Variants in NISCH observed in about 807,000 individuals in gnomAD.
NISCH encodes nischarin.
NISCH carries 55 observed loss-of-function variants against 138.4 expected under a neutral mutation model. The ratio of observed to expected loss-of-function variants is 0.40; its 90% CI spans 0.32 to 0.50. The LOEUF (loss-of-function observed/expected upper bound fraction) is 0.50, where lower values mean the gene tolerates loss of function less well. Among genes scored for constraint, NISCH ranks in the 20% least tolerant of loss-of-function variants. NISCH has a pLI of 0.71. For synonymous variants in NISCH, 860 were observed against 861.5 expected (o/e 1.00, Z 0.03); for missense variants, 1,643 against 2,005.5 (o/e 0.82, Z 3.45).
In NISCH at chr3:52,487,451, C is replaced by T. The variant is rs779391178; in HGVS notation, c.1959C>T (p.Arg653=). ...EEEEEDVAEN[R]YFEMGPPDVE... ...AAGAGGAGGACGTGGCTGAGAACCG[C>T]TACTTTGAAATGGGGCCCCCAGACG... is the stretch of plus-strand genomic sequence containing the variant. Residue 653 remains arginine, a synonymous_variant, in exon 16 of 21, where the codon CGC becomes CGT. Coordinates refer to ENST00000345716, the MANE Select transcript of NISCH (RefSeq NM_007184.4). The surrounding 1 kb of genome is among the most constrained non-coding windows in gnomAD (Gnocchi z 9.1). 12 of 1,605,544 alleles carry T rather than the reference C, an allele frequency of 7.5e-6. No individual in the cohort carries two copies. The South Asian group carries it at 1.2e-4, about 16-fold the overall frequency.
At chr3:52,480,443 GC>G in intron 13 of NISCH, 148 bp downstream of exon 13, 3 of 1,541,252 alleles carry the variant, frequency 1.9e-6, no homozygotes, top group Non-Finnish European at 2.6e-6. Flanking sequence ...GCTGGTCCTC[GC>G]GGGGGGACAC....
rs145669901 is a variant in NISCH at position 52,478,245 on chromosome 3, T to C, written c.1136T>C (p.Leu379Pro). The C allele has an allele frequency of 6.6e-5, 107 of 1,614,000 alleles. No homozygotes were observed. The highest frequency in any genetic ancestry group is 9.0e-5 in the Non-Finnish European group (106 of 1,179,988). Residue 379 changes from leucine (L) to proline (P), a missense_variant, in exon 10 of 21, where the codon CTG becomes CCG. Coordinates refer to ENST00000345716, the MANE Select transcript of NISCH (RefSeq NM_007184.4). The stretch of plus-strand genomic sequence containing the variant: ...AGTGGCCTGCACAAGCTCTACTCAC[T>C]GGTCAACCTGGATCTCCGGGACAAC... ...SLSGLHKLYSLVNLDLRDNRI... is the reference protein window; with the variant it reads ...SLSGLHKLYSPVNLDLRDNRI...
Position 52,480,209 on chromosome 3 carries a change from C to T in NISCH, c.1442C>T (p.Ala481Val). 6.2e-7 allele frequency: 1 copy of T among 1,613,966 alleles called. No homozygotes were observed. Among genetic ancestry groups the T allele is most frequent in the Non-Finnish European group, 8.5e-7 (1 of 1,180,014 alleles). ...KKGGEDSRLS[A>V]APCIRPSSSP... The stretch of plus-strand genomic sequence containing the variant: ...GGTGGTGAAGACTCCCGGCTCTCAG[C>T]TGCCCCCTGCATCAGACCCAGCAGC... The change falls in exon 13 of 21, where the codon GCT becomes GTT. Residue 481 changes from alanine (A) to valine (V), a missense_variant. Transcript: ENST00000345716.
At position 52,457,780 on chromosome 3, in the gene NISCH, G is replaced by T; in HGVS notation, c.94-63G>T. 3.6e-6 allele frequency: 4 copies of T among 1,112,344 alleles called. No homozygotes were observed. The South Asian group carries it at 3.7e-5, about 10-fold the overall frequency. The allele number at this position is 1,112,344 out of a possible 1,614,324, so 68.9% of individuals were successfully genotyped here. ...AAAGATAATTGCAGCTTTTGCTGCT[G>T]GGGGAGGAGACTCCTTGTTGCTGGG... On this transcript the variant is annotated intron_variant, in intron 1 of 20. Transcript: ENST00000345716.
rs116128242 is a variant in NISCH at position 52,464,302 on chromosome 3, G to A, written c.360+5458G>A. ...AATCTCAGCTCCTCGGGAGGCTGAC[G>A]CACAAGAATGGCTTAAATCTGAGAG... On this transcript the variant is annotated intron_variant, in intron 3 of 20. Coordinates refer to ENST00000345716, the MANE Select transcript of NISCH (RefSeq NM_007184.4). Among the ~76,000 whole-genome samples the A allele has an allele frequency of 7.5e-3, 1,142 of 151,714 alleles. 9 individuals carry two copies. The highest frequency in any genetic ancestry group is 0.026 in the African/African-American group (1,073 of 41,418).
In NISCH at chr3:52,490,173, G is replaced by C; in HGVS notation, c.3555G>C (p.Lys1185Asn). The change falls in exon 18 of 21, where the codon AAG (lysine) becomes AAC (asparagine). Residue 1185 changes from lysine (K) to asparagine (N), a missense_variant. By Grantham distance (94) the Lys-to-Asn change is moderately conservative (BLOSUM62 0). Transcript: ENST00000345716. ...EVTACVLLST[K>N]AVYFVLHDGL... Reference sequence around the variant, plus strand: ...CTGCCTGCGTGCTGCTCTCCACCAAGGCTGTGTACTTTGTGCTCCACGACG... The same window carrying C: ...CTGCCTGCGTGCTGCTCTCCACCAACGCTGTGTACTTTGTGCTCCACGACG... 1 of 1,613,532 alleles carries C rather than the reference G, an allele frequency of 6.2e-7. No homozygotes were observed. The highest frequency in any genetic ancestry group is 1.3e-5 in the African/African-American group (1 of 75,056).
rs779361007 is a variant in NISCH at position 52,455,666 on chromosome 3, C to G, written c.25C>G (p.Pro9Ala). The G allele has an allele frequency of 1.5e-6, 2 of 1,356,330 alleles. No individual in the cohort carries two copies. The highest frequency in any genetic ancestry group is 2.2e-5 in the South Asian group (1 of 45,638). 84.0% of individuals were successfully genotyped at this position (1,356,330 alleles called of 1,614,324 possible). A position where few individuals can be genotyped will look rare whatever the true frequency, so the allele number is the denominator to read the frequency against. MATARTFG[P>A]EREAEPAKEA... ...CATGGCGACCGCGCGCACCTTCGGG[C>G]CCGAGCGGGAAGCCGAGCCGGCCAA... The change falls in exon 1 of 21, where the codon CCC becomes GCC. Residue 9 changes from proline (P) to alanine (A), a missense_variant. Transcript: ENST00000345716.
At chr3:52,472,242 G>A (rs1706970979) in intron 5 of NISCH, 61 bp from the exon 6 acceptor site, 1 of 1,470,668 alleles carries the variant, frequency 6.8e-7, no homozygotes, top group East Asian at 2.3e-5. Flanking sequence ...GTCAGCTGCT[G>A]CAGCACTCCC....
Position 52,488,423 on chromosome 3 carries a change from G to C in NISCH, c.2931G>C (p.Gly977=), listed in dbSNP as rs748157895. ...ADGHVLELLV[G]YRFVTAIFVL... The stretch of plus-strand genomic sequence containing the variant: ...GCCACGTGCTAGAGCTGCTCGTGGG[G>C]TACCGCTTTGTCACTGCCATCTTCG... Residue 977 remains glycine, a synonymous_variant, in exon 16 of 21, where the codon GGG becomes GGC. Coordinates refer to ENST00000345716, the MANE Select transcript of NISCH (RefSeq NM_007184.4). 50 of 1,613,672 alleles carry C rather than the reference G, an allele frequency of 3.1e-5. No individual in the cohort carries two copies. The highest frequency in any genetic ancestry group is 4.2e-5 in the Non-Finnish European group (49 of 1,180,026).
At chr3:52,466,792 C>T (rs771863211) in intron 3 of NISCH, among the ~76,000 whole-genome samples, 6 of 151,970 alleles carry the variant, frequency 3.9e-5, no homozygotes, top group African/African-American at 9.7e-5. Context: ...AGGGCATGTG[C>T]GCAGGCATTC....
At position 52,478,212 on chromosome 3, in the gene NISCH, A is replaced by T. The variant is rs1182707326; in HGVS notation, c.1103A>T (p.Glu368Val). The change falls in exon 10 of 21, where the codon GAG becomes GTG. Residue 368 changes from glutamate (E) to valine (V), a missense_variant. Physicochemically the swap from Glu to Val is moderately radical, Grantham distance 121 (BLOSUM62 -2). Transcript: ENST00000345716. ...KTLNLAGNLL[E>V]SLSGLHKLYS... ...TTAAACCTGGCAGGCAACCTCCTAG[A>T]GAGTCTGAGTGGCCTGCACAAGCTC... 6.2e-7 allele frequency: 1 copy of T among 1,614,014 alleles called. No individual in the cohort carries two copies.
chr3:52,488,935 G>C (rs955308130), intron 16 of NISCH, among the ~76,000 whole-genome samples: 1 of 152,198 alleles, frequency 6.6e-6, no homozygotes, highest in African/African-American at 2.4e-5. Context: ...GCAGCACACC[G>C]AGGCCAGGAG....
intron 18 of NISCH, 101 bp from the exon 19 acceptor site, chr3:52,490,604 A>G: frequency 2.0e-6 from 3 of 1,529,556 alleles, no homozygotes; most frequent in Non-Finnish European, 1.8e-6. Context: ...GGTGGAAGCC[A>G]GGCCAGCCAA....
intron 20 of NISCH, 33 bp from the exon 21 acceptor site, chr3:52,491,839 C>T: frequency 6.5e-7 from 1 of 1,544,056 alleles, no homozygotes; most frequent in Non-Finnish European, 8.7e-7. Flanking sequence ...GGGGCCGGTT[C>T]CAGGCTATAG....
At position 52,487,112 on chromosome 3, in the gene NISCH, G is replaced by A; in HGVS notation, c.1704-84G>A. The A allele has an allele frequency of 4.7e-6, 7 of 1,489,456 alleles. No individual in the cohort carries two copies. In the South Asian group the frequency reaches 8.8e-5, roughly 19 times the overall value. The allele number at this position is 1,489,456 out of a possible 1,614,324, so 92.3% of individuals were successfully genotyped here. A position where few individuals can be genotyped will look rare whatever the true frequency, so the allele number is the denominator to read the frequency against. ...TGGGTTGGTTTCTCAGGGTCAGGGT[G>A]TAGCAGTGGGCTCCAGATGTGGCAG... On this transcript the variant is annotated intron_variant, in intron 15 of 20. Coordinates refer to ENST00000345716, the MANE Select transcript of NISCH (RefSeq NM_007184.4). This position sits in a 1 kb window ranked among gnomAD's most constrained non-coding sequence, Gnocchi z 9.1.
At chr3:52,472,070 A>C in intron 5 of NISCH, 93 bp downstream of exon 5, 1 of 1,364,276 alleles carries the variant, frequency 7.3e-7, no homozygotes, top group Non-Finnish European at 1.0e-6. Flanking sequence ...GAAGGAGACC[A>C]TGGGGGACTG....
chr3:52,459,234 G>C (rs1706561704), intron 3 of NISCH, among the ~76,000 whole-genome samples: 1 of 152,212 alleles, frequency 6.6e-6, no homozygotes, highest in Non-Finnish European at 1.5e-5. Flanking sequence ...TGTGATGGTG[G>C]AATATCACCA....
rs776872014 is a variant in NISCH at position 52,487,674 on chromosome 3, T to A, written c.2182T>A (p.Cys728Ser). ...GGGCAGTATCCGCCAGTTCGCCGCC[T>A]GCCTTGTGCTCACCGACTTCGGCAT... is the stretch of plus-strand genomic sequence containing the variant. Reference protein sequence around the residue: ...VQGSIRQFAACLVLTDFGIAV... With the variant: ...VQGSIRQFAASLVLTDFGIAV... The change falls in exon 16 of 21, where the codon TGC (cysteine) becomes AGC (serine). Residue 728 changes from cysteine to serine, a missense_variant. Physicochemically the swap from Cys to Ser is moderately radical, Grantham distance 112 (BLOSUM62 -1). Coordinates refer to ENST00000345716, the MANE Select transcript of NISCH (RefSeq NM_007184.4). This position sits in a 1 kb window ranked among gnomAD's most constrained non-coding sequence, Gnocchi z 9.1. 6.2e-7 allele frequency: 1 copy of A among 1,613,800 alleles called. No homozygotes were observed. Among genetic ancestry groups the A allele is most frequent in the Non-Finnish European group, 8.5e-7 (1 of 1,180,010 alleles).
intron 11 of NISCH, 96 bp downstream of exon 11, chr3:52,478,673 C>T: frequency 1.0e-5 from 12 of 1,178,542 alleles, no homozygotes; most frequent in East Asian, 7.4e-5. Flanking sequence ...TTGTTCTACC[C>T]TTGCCTGCTT....
Sources: gnomAD v4.1 joint callset for allele counts (sites outside exome capture counted in the v4.1 genomes callset) on GRCh38, gnomAD v4.1.1 for gene constraint, Gnocchi (gnomAD v3.1) non-coding constraint, MANE v1.5 for transcripts, NCBI Gene and HGNC (gene_info 2026-07-23, HGNC 2026-07-21) for gene names.